Variants in ADGRL3 observed in about 807,000 individuals in gnomAD.
The protein encoded by ADGRL3 is calcium-independent alpha-latrotoxin receptor 3.
A neutral mutation model predicts 153.5 loss-of-function variants in ADGRL3; 62 were observed. The observed-to-expected ratio is 0.40, with a 90% confidence interval of 0.33 to 0.50. ADGRL3 has a LOEUF of 0.50. ADGRL3 is among the 20% of genes least tolerant of loss of function. The pLI is 0.47. For synonymous variants in ADGRL3, 710 were observed against 672.5 expected, an observed-to-expected ratio of 1.06 and a Z score of -0.86; for missense variants, 1,641 against 1,859.4, an observed-to-expected ratio of 0.88 and a Z score of 2.16.
intron 25 of ADGRL3, among the ~76,000 whole-genome samples, chr4:62,057,706 C>A (rs1165175414): frequency 6.6e-6 from 1 of 152,138 alleles, no homozygotes; most frequent in African/African-American, 2.4e-5. Context: ...GAGACAGGGT[C>A]TTGCTCTGTC....
intron 9 of ADGRL3, among the ~76,000 whole-genome samples, chr4:61,839,130 T>C (rs956994997): frequency 9.2e-5 from 14 of 152,164 alleles, no homozygotes; most frequent in African/African-American, 3.1e-4. Context: ...AAATATGTAT[T>C]GCTTTCTGTG....
chr4:61,298,941 A>T (rs1361882527), intron 1 of ADGRL3, among the ~76,000 whole-genome samples: 1 of 152,194 alleles, frequency 6.6e-6, no homozygotes, highest in East Asian at 1.9e-4. Flanking sequence ...AGTGACAGCA[A>T]TAAAAAATTG....
chr4:61,512,784 A>T (rs1315053247), intron 3 of ADGRL3, among the ~76,000 whole-genome samples: 1 of 152,090 alleles, frequency 6.6e-6, no homozygotes, highest in Non-Finnish European at 1.5e-5. Flanking sequence ...AGGGGAAAGG[A>T]TTTCCTACTA....
At chr4:61,838,451 G>C (rs1468574841) in intron 9 of ADGRL3, among the ~76,000 whole-genome samples, 2 of 152,152 alleles carry the variant, frequency 1.3e-5, no homozygotes, top group African/African-American at 2.4e-5. Flanking sequence ...TTCTGTTTAA[G>C]GATGTAAGAT....
chr4:61,505,944 A>C (rs1054164066), intron 3 of ADGRL3, among the ~76,000 whole-genome samples: 1 of 152,130 alleles, frequency 6.6e-6, no homozygotes, highest in Non-Finnish European at 1.5e-5. Flanking sequence ...GGAACTATAG[A>C]AGATGATGTC....
At chr4:61,485,983 G>A (rs528859435) in intron 2 of ADGRL3, among the ~76,000 whole-genome samples, 1 of 150,914 alleles carries the variant, frequency 6.6e-6, no homozygotes, top group East Asian at 2.0e-4. Context: ...TCGCTCTGTC[G>A]CCCCGGCTGG....
rs532833575 is a variant in ADGRL3, at chr4:61,884,753, T to C, written c.1481-7903T>C. ...AATTCTCCTGCCTCAGCCTCTGGAGTATCTGGGATTACAGGCGCCTGCCAC... is the reference window on the plus strand; with the variant it reads ...AATTCTCCTGCCTCAGCCTCTGGAGCATCTGGGATTACAGGCGCCTGCCAC... On this transcript the variant is annotated intron_variant, in intron 9 of 26. Coordinates refer to ENST00000683033, the MANE Select transcript of ADGRL3 (RefSeq NM_001387552.1). Among the ~76,000 whole-genome samples the C allele has an allele frequency of 2.0e-5, 3 of 151,636 alleles. No homozygotes were observed. The South Asian group carries it at 6.3e-4, about 32-fold the overall frequency.
chr4:61,949,748 A>G (rs2098939973), intron 17 of ADGRL3, among the ~76,000 whole-genome samples: 1 of 152,132 alleles, frequency 6.6e-6, no homozygotes, highest in Admixed American at 6.5e-5. Flanking sequence ...AAATGTCTTT[A>G]TAAGTTAAAT....
At chr4:61,509,351 C>T (rs944207118) in intron 3 of ADGRL3, among the ~76,000 whole-genome samples, 12 of 152,092 alleles carry the variant, frequency 7.9e-5, no homozygotes, top group Non-Finnish European at 1.3e-4. Context: ...TGGTCTTGAA[C>T]TCCTGACCTC....
At chr4:61,684,568 A>G (rs141510947) in intron 6 of ADGRL3, among the ~76,000 whole-genome samples, 1 of 152,184 alleles carries the variant, frequency 6.6e-6, no homozygotes, top group African/African-American at 2.4e-5. Context: ...CCCCGTAAAG[A>G]CTTTAGAGCA....
chr4:61,831,965 T>G (rs2097875809), intron 9 of ADGRL3, among the ~76,000 whole-genome samples: 1 of 151,984 alleles, frequency 6.6e-6, no homozygotes, highest in Non-Finnish European at 1.5e-5. Flanking sequence ...AGAAGAGCCC[T>G]GAGCCAGTTC....
chr4:61,220,437 T>A (rs911890662), intron 1 of ADGRL3, among the ~76,000 whole-genome samples: 4 of 152,192 alleles, frequency 2.6e-5, no homozygotes. Flanking sequence ...ACTTCCTAAG[T>A]ATCATTTTAT....
intron 8 of ADGRL3, among the ~76,000 whole-genome samples, chr4:61,772,321 G>A (rs2097096292): frequency 6.6e-6 from 1 of 152,188 alleles, no homozygotes; most frequent in Non-Finnish European, 1.5e-5. Flanking sequence ...GGCTTAGTCA[G>A]TGGCAGCCCC....
intron 9 of ADGRL3, among the ~76,000 whole-genome samples, chr4:61,829,147 A>G (rs1581034148): frequency 6.6e-6 from 1 of 152,220 alleles, no homozygotes; most frequent in East Asian, 1.9e-4. Flanking sequence ...TGGTGCAGGG[A>G]CAATAAATGG....
intron 1 of ADGRL3, among the ~76,000 whole-genome samples, chr4:61,284,236 C>G (rs2093838851): frequency 6.6e-6 from 1 of 151,852 alleles, no homozygotes; most frequent in African/African-American, 2.4e-5. Flanking sequence ...ATACCTTTGA[C>G]TTTGAAGAAG....
intron 1 of ADGRL3, among the ~76,000 whole-genome samples, chr4:61,235,800 C>T (rs1168304711): frequency 6.6e-6 from 1 of 152,100 alleles, no homozygotes; most frequent in African/African-American, 2.4e-5. Flanking sequence ...TTTGACTTCT[C>T]TGAAGCCAGC....
At chr4:61,819,847 A>G (rs1472951849) in intron 9 of ADGRL3, among the ~76,000 whole-genome samples, 1 of 152,084 alleles carries the variant, frequency 6.6e-6, no homozygotes, top group African/African-American at 2.4e-5. Context: ...TTGAGACAAT[A>G]AAGTAATTAT....
At position 62,029,779 on chromosome 4, in the gene ADGRL3, T is replaced by C. The variant is rs113340117; in HGVS notation, c.3422+898T>C. Among the ~76,000 whole-genome samples, 1,109 of 151,354 alleles carry C rather than the reference T, an allele frequency of 7.3e-3. 22 individuals carry two copies. The highest frequency in any genetic ancestry group is 0.026 in the African/African-American group (1,059 of 41,402). ...TAACCCTTGGGCCCATCATGTGTTT[T>C]CCAGTGGTTAATACCTGACTTAAGT... On this transcript the variant is annotated intron_variant, in intron 22 of 26. Transcript: ENST00000683033.
chr4:61,711,458 T>TTATATATATATATACATATA (rs2095982029), intron 6 of ADGRL3, among the ~76,000 whole-genome samples: 1 of 34,662 alleles, frequency 2.9e-5, no homozygotes, highest in Non-Finnish European at 5.1e-5. Context: ...ATATGCTTCA[T>TTATATATATATATACATATA]TATATATATA....
Sources: gnomAD v4.1 joint callset for allele counts (sites outside exome capture counted in the v4.1 genomes callset) on GRCh38, gnomAD v4.1.1 for gene constraint, MANE v1.5 for transcripts, NCBI Gene and HGNC (gene_info 2026-07-23, HGNC 2026-07-21) for gene names.